LOC128706666: variants seen among roughly 807,000 people sequenced by gnomAD.
chr20:10,417,683 AT>A, the LOC128706666 span, among the ~76,000 whole-genome samples: 4 of 148,068 alleles, frequency 2.7e-5, no homozygotes, highest in African/African-American at 7.5e-5. Flanking sequence ...AAAAAAAAAA[AT>A]CAACATCATC....
At chr20:10,424,679 T>G in the LOC128706666 span, among the ~76,000 whole-genome samples, 38,855 of 152,170 alleles carry the variant, frequency 0.26, 5,121 homozygotes, top group Middle Eastern at 0.31. Flanking sequence ...GAGCTTTTAC[T>G]TACAATCAAA....
the LOC128706666 span, among the ~76,000 whole-genome samples, chr20:10,417,521 G>A: frequency 3.9e-5 from 6 of 152,186 alleles, no homozygotes; most frequent in African/African-American, 1.4e-4. Context: ...TGAGGCTGGA[G>A]GATGGCCTGT....
the LOC128706666 span, among the ~76,000 whole-genome samples, chr20:10,426,562 A>G: frequency 6.6e-6 from 1 of 152,074 alleles, no homozygotes; most frequent in Non-Finnish European, 1.5e-5. Context: ...ACCATGCCCG[A>G]CTAATTTTTG....
At chr20:10,431,161 T>C in the LOC128706666 span, among the ~76,000 whole-genome samples, 1 of 152,184 alleles carries the variant, frequency 6.6e-6, no homozygotes. Flanking sequence ...ACGAATCATA[T>C]ATAAAAATAG....
At chr20:10,432,970 C>G in the LOC128706666 span, among the ~76,000 whole-genome samples, 3 of 152,268 alleles carry the variant, frequency 2.0e-5, no homozygotes, top group East Asian at 5.8e-4. Context: ...TGCACGTGTT[C>G]AGTACAGATG....
chr20:10,415,878 T>C, the LOC128706666 span, among the ~76,000 whole-genome samples: 1 of 152,082 alleles, frequency 6.6e-6, no homozygotes, highest in South Asian at 2.1e-4. Flanking sequence ...GACAAAGAAA[T>C]CACTGAAAGT....
At chr20:10,425,245 T>G in the LOC128706666 span, among the ~76,000 whole-genome samples, 1 of 152,138 alleles carries the variant, frequency 6.6e-6, no homozygotes, top group African/African-American at 2.4e-5. Context: ...AGAATATAAA[T>G]CTCCATTATC....
the LOC128706666 span, among the ~76,000 whole-genome samples, chr20:10,422,860 C>T: frequency 3.3e-5 from 5 of 151,838 alleles, no homozygotes; most frequent in South Asian, 2.1e-4. Context: ...TACAGGTGCC[C>T]GCCACCACAC....
the LOC128706666 span, among the ~76,000 whole-genome samples, chr20:10,425,210 T>C: frequency 2.6e-5 from 4 of 152,234 alleles, no homozygotes; most frequent in African/African-American, 9.6e-5. Flanking sequence ...ATGATACACA[T>C]GCTGTTTTGT....
At chr20:10,418,142 C>T in the LOC128706666 span, among the ~76,000 whole-genome samples, 1 of 152,096 alleles carries the variant, frequency 6.6e-6, no homozygotes, top group Non-Finnish European at 1.5e-5. Context: ...TGTGTTTATT[C>T]TTACTGTTAA....
chr20:10,431,699 G>C, the LOC128706666 span: 1 of 152,058 alleles, frequency 6.6e-6, no homozygotes, highest in African/African-American at 2.4e-5. Context: ...CTTTAGTTAC[G>C]GCAGGGAGTC....
the LOC128706666 span, among the ~76,000 whole-genome samples, chr20:10,432,777 G>A: frequency 9.3e-6 from 1 of 107,978 alleles, no homozygotes; most frequent in South Asian, 3.2e-4. Flanking sequence ...GCGACAGAGC[G>A]AGACTCTTTG....
At chr20:10,431,252 T>A in the LOC128706666 span, among the ~76,000 whole-genome samples, 2 of 152,184 alleles carry the variant, frequency 1.3e-5, no homozygotes, top group South Asian at 4.1e-4. Context: ...TTCCAACTTA[T>A]AAGGTGAGGA....
chr20:10,429,207 A>G, the LOC128706666 span, among the ~76,000 whole-genome samples: 1 of 152,170 alleles, frequency 6.6e-6, no homozygotes, highest in Non-Finnish European at 1.5e-5. Context: ...TGTTCTGACC[A>G]TAAAGATCAC....
the LOC128706666 span, chr20:10,431,857 C>G: frequency 6.6e-6 from 1 of 152,290 alleles, no homozygotes; most frequent in Non-Finnish European, 1.5e-5. Context: ...TCTGCTTCAG[C>G]TCTTAGTTCA....
At chr20:10,417,856 A>G in the LOC128706666 span, among the ~76,000 whole-genome samples, 1 of 152,212 alleles carries the variant, frequency 6.6e-6, no homozygotes, top group South Asian at 2.1e-4. Flanking sequence ...GGGGAGAGAA[A>G]GAGGAAATTG....
chr20:10,416,280 CCTAAAAGCAAATGGAGTTCT>C, the LOC128706666 span, among the ~76,000 whole-genome samples: 1 of 151,972 alleles, frequency 6.6e-6, no homozygotes, highest in East Asian at 1.9e-4. Flanking sequence ...GAAAGTTTTT[CCTAAAAGCAAATGGAGTTCT>C]TTGGCAAAAA....
the LOC128706666 span, among the ~76,000 whole-genome samples, chr20:10,418,867 A>C: frequency 6.6e-6 from 1 of 152,196 alleles, no homozygotes; most frequent in East Asian, 1.9e-4. Flanking sequence ...GCACCTAATA[A>C]ATTCTCTAAC....
the LOC128706666 span, among the ~76,000 whole-genome samples, chr20:10,415,421 C>T: frequency 2.0e-5 from 3 of 152,158 alleles, no homozygotes; most frequent in Admixed American, 2.0e-4. Context: ...ATTTTGGTTA[C>T]CATTCCCAAT....
Sources: gnomAD v4.1 joint callset for allele counts (sites outside exome capture counted in the v4.1 genomes callset) on GRCh38, gnomAD v4.1.1 for gene constraint, MANE v1.5 for transcripts.